Variants in CSTA observed in about 807,000 individuals in gnomAD.
CSTA encodes cystatin A.
CSTA carries 9 observed loss-of-function variants against 9.2 expected under a neutral mutation model. The observed-to-expected ratio is 0.97, with a 90% CI of 0.59 to 1.70. CSTA has a LOEUF of 1.70. Among genes scored for constraint, CSTA ranks in the 40% most tolerant of loss-of-function variants. The pLI, the probability that CSTA is intolerant of heterozygous loss-of-function variation, is 0.00. For missense variants in CSTA, 118 were observed against 113.1 expected (o/e 1.04, Z -0.20); for synonymous variants, 36 against 40.6 (o/e 0.89, Z 0.43).
chr3:122,335,668 G>C, intron 1 of CSTA, among the ~76,000 whole-genome samples: 1 of 151,872 alleles, frequency 6.6e-6, no homozygotes, highest in East Asian at 1.9e-4. Context: ...TTTCACTCTT[G>C]TTGCCCAGGC....
intron 1 of CSTA, among the ~76,000 whole-genome samples, chr3:122,333,540 G>GAAGAAAGAAAGAAGA: frequency 8.9e-6 from 1 of 112,174 alleles, no homozygotes; most frequent in East Asian, 2.7e-4. Flanking sequence ...AGAAAAGAAA[G>GAAGAAAGAAAGAAGA]AAGAAAGAAA....
At chr3:122,328,878 T>A (rs993374120) in intron 1 of CSTA, among the ~76,000 whole-genome samples, 41 of 149,872 alleles carry the variant, frequency 2.7e-4, no homozygotes, top group Middle Eastern at 3.5e-3. Flanking sequence ...GAGGTGGAGG[T>A]TGGAGTGAGC....
chr3:122,337,819 C>T (rs1364056115), intron 2 of CSTA, 171 bp downstream of exon 2: 2 of 649,362 alleles, frequency 3.1e-6, no homozygotes, highest in Non-Finnish European at 5.6e-6. Flanking sequence ...TGATGTGACA[C>T]CATTTTTTTT....
chr3:122,338,415 C>A (rs2075247289), intron 2 of CSTA: 1 of 151,372 alleles, frequency 6.6e-6, no homozygotes. Context: ...CTTTACTTCA[C>A]TATTTGACCA....
chr3:122,327,115 G>A (rs1280952889), intron 1 of CSTA, among the ~76,000 whole-genome samples: 2 of 152,042 alleles, frequency 1.3e-5, no homozygotes, highest in Non-Finnish European at 2.9e-5. Context: ...GTGGGTGCCT[G>A]TAATCCCAAC....
intron 1 of CSTA, among the ~76,000 whole-genome samples, chr3:122,326,626 A>G (rs1359653049): frequency 1.3e-5 from 2 of 152,186 alleles, no homozygotes; most frequent in Admixed American, 6.5e-5. Flanking sequence ...ATTCTTGGGG[A>G]CTAATTATTT....
At chr3:122,336,215 G>A (rs2075236710) in intron 1 of CSTA, among the ~76,000 whole-genome samples, 1 of 152,152 alleles carries the variant, frequency 6.6e-6, no homozygotes, top group Non-Finnish European at 1.5e-5. Flanking sequence ...AATAAAAGGA[G>A]CAGGGACTCC....
At chr3:122,336,165 GAC>G in intron 1 of CSTA, among the ~76,000 whole-genome samples, 2 of 152,228 alleles carry the variant, frequency 1.3e-5, no homozygotes, top group Non-Finnish European at 2.9e-5. Flanking sequence ...AGTAACAAGA[GAC>G]ACAGCACCCA....
chr3:122,335,225 C>T (rs2075229831), intron 1 of CSTA, among the ~76,000 whole-genome samples: 1 of 152,192 alleles, frequency 6.6e-6, no homozygotes, highest in Admixed American at 6.5e-5. Flanking sequence ...CCATGGTAGA[C>T]AGAATGATGG....
At chr3:122,327,447 T>C (rs912856066) in intron 1 of CSTA, among the ~76,000 whole-genome samples, 1 of 140,542 alleles carries the variant, frequency 7.1e-6, no homozygotes, top group Non-Finnish European at 1.5e-5. Context: ...GAGAATGGCG[T>C]GAACCCGGGA....
At chr3:122,333,805 G>A (rs1204186842) in intron 1 of CSTA, among the ~76,000 whole-genome samples, 1 of 152,208 alleles carries the variant, frequency 6.6e-6, no homozygotes, top group Non-Finnish European at 1.5e-5. Flanking sequence ...TGACTGAAAA[G>A]CAGAAGGAAC....
chr3:122,334,381 C>T (rs2107667292), intron 1 of CSTA, among the ~76,000 whole-genome samples: 1 of 152,128 alleles, frequency 6.6e-6, no homozygotes, highest in Admixed American at 6.5e-5. Context: ...AACATCTGCC[C>T]AGGGAGGATT....
chr3:122,328,230 G>A (rs2075181601), intron 1 of CSTA, among the ~76,000 whole-genome samples: 1 of 152,186 alleles, frequency 6.6e-6, no homozygotes. Flanking sequence ...ACTGGGCATG[G>A]TGGCTCAAGC....
At chr3:122,334,876 C>A (rs1390138028) in intron 1 of CSTA, among the ~76,000 whole-genome samples, 1 of 152,186 alleles carries the variant, frequency 6.6e-6, no homozygotes, top group African/African-American at 2.4e-5. Flanking sequence ...CAGAACGTCA[C>A]AATGGCGCAG....
intron 1 of CSTA, among the ~76,000 whole-genome samples, chr3:122,327,528 CAAAA>C (rs59568582): frequency 2.3e-5 from 1 of 44,108 alleles, no homozygotes; most frequent in Non-Finnish European, 4.2e-5. Context: ...GACTCCGTCT[CAAAA>C]AAAAAAAAAA....
At chr3:122,333,146 T>G (rs2075213654) in intron 1 of CSTA, among the ~76,000 whole-genome samples, 1 of 152,196 alleles carries the variant, frequency 6.6e-6, no homozygotes, top group African/African-American at 2.4e-5. Flanking sequence ...CATGGAAAAT[T>G]CTGCATTTGT....
At chr3:122,333,548 A>AAAG (rs1350961115) in intron 1 of CSTA, among the ~76,000 whole-genome samples, 2 of 59,654 alleles carry the variant, frequency 3.4e-5, no homozygotes, top group East Asian at 4.3e-4. Flanking sequence ...AAGAAGAAAG[A>AAAG]AAGAAAGAAA....
In CSTA at chr3:122,341,381, G is replaced by T. The variant is rs945860274; in HGVS notation, c.169-58G>T. 3 of 1,597,636 alleles carry T rather than the reference G, an allele frequency of 1.9e-6. No homozygotes were observed. The African/African-American group carries it at 4.0e-5, about 21-fold the overall frequency. ...TTGTAGACCTGTGGCTCTCTCACTTGATGTAGACCCATTTGAATGAATCTC... is the reference window on the plus strand; with the variant it reads ...TTGTAGACCTGTGGCTCTCTCACTTTATGTAGACCCATTTGAATGAATCTC... On this transcript the variant is annotated intron_variant, in intron 2 of 2. Transcript: ENST00000264474.
At chr3:122,329,268 A>G (rs549901052) in intron 1 of CSTA, among the ~76,000 whole-genome samples, 42 of 151,962 alleles carry the variant, frequency 2.8e-4, no homozygotes, top group Non-Finnish European at 5.0e-4. Flanking sequence ...GCCCAGCCAA[A>G]ATAAAATTTT....
Sources: allele counts gnomAD v4.1 joint callset (sites outside exome capture counted in the v4.1 genomes callset), GRCh38; gene constraint gnomAD v4.1.1; transcripts MANE v1.5; gene names NCBI Gene and HGNC (gene_info 2026-07-23, HGNC 2026-07-21).